The following CD86 variants were observed in gnomAD, a reference collection of about 807,000 sequenced individuals.
CD86 encodes CD86 molecule.
In CD86, 11 loss-of-function variants were observed where a neutral mutation model predicts 32.1. The ratio of observed to expected loss-of-function variants is 0.34; its 90% CI spans 0.22 to 0.57. The LOEUF is 0.57. Ranked by LOEUF, CD86 falls within the 20% of genes least tolerant of loss-of-function variation. The pLI is 0.86. For missense variants in CD86, 359 were observed against 398.4 expected (o/e 0.90, Z 0.84); for synonymous variants, 137 against 135.3 (o/e 1.01, Z -0.09).
At position 122,106,419 on chromosome 3, in the gene CD86, C is replaced by T. The variant is rs2073092893; in HGVS notation, c.622C>T (p.Pro208Ser). The change falls in exon 4 of 7, where the codon CCT becomes TCT. Residue 208 changes from proline (P) to serine (S), a missense_variant. Transcript: ENST00000330540. ...DVSISLSVSF[P>S]DVTSNMTIFC... ...TTCCATCAGCTTGTCTGTTTCATTC[C>T]CTGATGTTACGAGCAATATGACCAT... is the stretch of plus-strand genomic sequence containing the variant. 1 of 1,613,842 alleles carries T rather than the reference C, an allele frequency of 6.2e-7. No individual in the cohort carries two copies. Among genetic ancestry groups the T allele is most frequent in the South Asian group, 1.1e-5 (1 of 91,074 alleles).
At chr3:122,076,182 T>C (rs36226875) in intron 1 of CD86, among the ~76,000 whole-genome samples, 6,800 of 152,316 alleles carry the variant, frequency 0.045, 214 homozygotes, top group South Asian at 0.11. Context: ...AAGTATGTTA[T>C]AAAAATACTA....
chr3:122,077,729 G>T, intron 1 of CD86: 1 of 983,232 alleles, frequency 1.0e-6, no homozygotes, highest in Non-Finnish European at 1.2e-6. Flanking sequence ...TTACACTCAT[G>T]CTCCGAGGGT....
At chr3:122,079,112 G>C (rs970729277) in intron 1 of CD86, among the ~76,000 whole-genome samples, 2 of 152,172 alleles carry the variant, frequency 1.3e-5, no homozygotes, top group Non-Finnish European at 2.9e-5. Context: ...TTCTAGCCTA[G>C]TGGGGAAATC....
intron 1 of CD86, chr3:122,077,776 C>T: frequency 9.1e-6 from 9 of 985,426 alleles, no homozygotes; most frequent in Non-Finnish European, 1.1e-5. Context: ...AAATGCCCAC[C>T]TGCCGGCAGA....
chr3:122,119,801 A>G lies in CD86; in HGVS notation c.*267A>G. 1 of 288,640 alleles carries G rather than the reference A, an allele frequency of 3.5e-6. No individual in the cohort carries two copies. The allele number at this position is 288,640 out of a possible 1,614,324, so 17.9% of individuals were successfully genotyped here. The stretch of plus-strand genomic sequence containing the variant: ...CCAGCTTAATGGCTCATGACCTGGA[A>G]ATAAAATTTAGGACCAATACCTCCT... On this transcript the variant is annotated 3_prime_UTR_variant, in exon 7 of 7. Coordinates refer to ENST00000330540, the MANE Select transcript of CD86 (RefSeq NM_175862.5).
chr3:122,094,884 C>T (rs560284555), intron 2 of CD86, among the ~76,000 whole-genome samples: 2 of 152,290 alleles, frequency 1.3e-5, no homozygotes, highest in Admixed American at 6.5e-5. Flanking sequence ...ATTTACAAAG[C>T]GAAAGGAATT....
intron 1 of CD86, among the ~76,000 whole-genome samples, chr3:122,063,516 T>C (rs1433949680): frequency 6.6e-6 from 1 of 152,024 alleles, no homozygotes; most frequent in Non-Finnish European, 1.5e-5. Flanking sequence ...CATACAGAAT[T>C]GTAAAGAAAA....
chr3:122,087,201 C>T (rs111943850), intron 1 of CD86, among the ~76,000 whole-genome samples: 30 of 152,216 alleles, frequency 2.0e-4, no homozygotes, highest in Non-Finnish European at 4.0e-4. Flanking sequence ...CATGGAGGCT[C>T]CTCTTTTTAG....
intron 1 of CD86, among the ~76,000 whole-genome samples, chr3:122,071,277 T>C (rs1021478427): frequency 6.6e-6 from 1 of 152,202 alleles, no homozygotes; most frequent in African/African-American, 2.4e-5. Context: ...GTGCTCTGCC[T>C]GTTGACCCTT....
At chr3:122,070,538 A>G (rs1188391238) in intron 1 of CD86, among the ~76,000 whole-genome samples, 1 of 152,246 alleles carries the variant, frequency 6.6e-6, no homozygotes, top group African/African-American at 2.4e-5. Flanking sequence ...TTGCTTTTAA[A>G]GTACAAGTTA....
At position 122,103,741 on chromosome 3, in the gene CD86, C is replaced by A. The variant is rs750002559; in HGVS notation, c.294C>A (p.His98Gln). 1 of 1,614,036 alleles carries A rather than the reference C, an allele frequency of 6.2e-7. No homozygotes were observed. The highest frequency in any genetic ancestry group is 1.1e-5 in the South Asian group (1 of 91,084). Reference sequence around the variant, plus strand: ...CGGACAGTTGGACCCTGAGACTTCACAATCTTCAGATCAAGGACAAGGGCT... The same window carrying A: ...CGGACAGTTGGACCCTGAGACTTCAAAATCTTCAGATCAAGGACAAGGGCT... ...FDSDSWTLRLHNLQIKDKGLY... is the reference protein window; with the variant it reads ...FDSDSWTLRLQNLQIKDKGLY... The change falls in exon 3 of 7, where the codon CAC becomes CAA. Residue 98 changes from histidine to glutamine, a missense_variant. Physicochemically the swap from His to Gln is conservative, Grantham distance 24. Coordinates refer to ENST00000330540, the MANE Select transcript of CD86 (RefSeq NM_175862.5).
intron 4 of CD86, among the ~76,000 whole-genome samples, chr3:122,108,743 G>A (rs1393695951): frequency 2.6e-5 from 4 of 152,156 alleles, no homozygotes; most frequent in Non-Finnish European, 5.9e-5. Context: ...TGTGACCTCA[G>A]TAGGAAAAAA....
intron 1 of CD86, among the ~76,000 whole-genome samples, chr3:122,091,009 GAAAAC>G (rs1341908337): frequency 1.3e-5 from 2 of 152,092 alleles, no homozygotes; most frequent in African/African-American, 4.8e-5. Context: ...AGAACCACAG[GAAAAC>G]AAAAGGAAGG....
At chr3:122,117,886 C>G (rs2073278210) in intron 5 of CD86, among the ~76,000 whole-genome samples, 162 bp from the exon 6 acceptor site, 1 of 152,190 alleles carries the variant, frequency 6.6e-6, no homozygotes, top group Non-Finnish European at 1.5e-5. Flanking sequence ...AAACTTCTTC[C>G]CAATCCCCCT....
chr3:122,074,453 G>A (rs755214906), intron 1 of CD86, among the ~76,000 whole-genome samples: 2 of 152,112 alleles, frequency 1.3e-5, no homozygotes, highest in Non-Finnish European at 2.9e-5. Flanking sequence ...ACTAATTAAC[G>A]TTTCAATAAA....
At chr3:122,086,498 C>A (rs1478077720) in intron 1 of CD86, 15 of 441,666 alleles carry the variant, frequency 3.4e-5, no homozygotes, top group South Asian at 2.2e-4. Flanking sequence ...TTCTTAGTTC[C>A]TTCCTTTTCT....
intron 1 of CD86, among the ~76,000 whole-genome samples, chr3:122,057,939 G>C (rs1461472581): frequency 2.0e-5 from 3 of 152,250 alleles, no homozygotes; most frequent in African/African-American, 7.2e-5. Context: ...AAGCCAGGCT[G>C]CTGGGGTTTG....
chr3:122,116,675 G>A (rs2073256186), intron 5 of CD86, among the ~76,000 whole-genome samples: 1 of 151,880 alleles, frequency 6.6e-6, no homozygotes, highest in African/African-American at 2.4e-5. Flanking sequence ...AGTTGGCGGT[G>A]GTATATTTAT....
At chr3:122,077,052 C>A (rs537524940) in intron 1 of CD86, among the ~76,000 whole-genome samples, 1 of 152,310 alleles carries the variant, frequency 6.6e-6, no homozygotes, top group African/African-American at 2.4e-5. Context: ...CAGGACACAG[C>A]TAGCCTCCAA....
Sources: allele counts gnomAD v4.1 joint callset (sites outside exome capture counted in the v4.1 genomes callset), GRCh38; gene constraint gnomAD v4.1.1; transcripts MANE v1.5; gene names NCBI Gene and HGNC (gene_info 2026-07-23, HGNC 2026-07-21).